TRPM1: variants seen among roughly 807,000 people sequenced by gnomAD.
TRPM1 encodes transient receptor potential cation channel subfamily M member 1, also known as TRPM1-203 APA Isoform, Intron 10.
Under a neutral mutation model 149.4 loss-of-function variants are expected in TRPM1, and 113 were observed. That is an observed-to-expected ratio of 0.76 (90% CI 0.65 to 0.88). The LOEUF (loss-of-function observed/expected upper bound fraction) is 0.88, where lower values mean the gene tolerates loss of function less well. Among genes scored for constraint, TRPM1 ranks in the 40% least tolerant of loss-of-function variants. TRPM1 has a pLI of 0.00. For missense variants in TRPM1, 1,976 were observed against 2,038.7 expected (o/e 0.97, Z 0.59); for synonymous variants, 741 against 759.5 (o/e 0.98, Z 0.40).
intron 1 of TRPM1, among the ~76,000 whole-genome samples, chr15:31,085,594 C>G (rs1281694873): frequency 1.3e-5 from 2 of 152,158 alleles, no homozygotes; most frequent in South Asian, 2.1e-4. Flanking sequence ...TGTTGATGTC[C>G]TAATTCAAGG....
upstream of TRPM1, among the ~76,000 whole-genome samples, chr15:31,101,984 C>T (rs2035526696): frequency 6.6e-6 from 1 of 152,346 alleles, no homozygotes; most frequent in East Asian, 1.9e-4. Context: ...TCCCACCCAG[C>T]CGCCCTTCCC....
chr15:31,045,453 T>A (rs2033736773), intron 16 of TRPM1, among the ~76,000 whole-genome samples: 1 of 152,234 alleles, frequency 6.6e-6, no homozygotes, highest in Admixed American at 6.5e-5. Context: ...TAATAATTTC[T>A]CCCTTTCTTG....
chr15:31,036,898 C>A (rs748737172), intron 20 of TRPM1, among the ~76,000 whole-genome samples: 4 of 152,272 alleles, frequency 2.6e-5, no homozygotes, highest in Admixed American at 6.5e-5. Context: ...TCGCCCAGAC[C>A]ACGGCCAGGG....
chr15:31,112,711 T>C (rs569546968), intron 1 of TRPM1, among the ~76,000 whole-genome samples: 1 of 152,290 alleles, frequency 6.6e-6, no homozygotes, highest in East Asian at 1.9e-4. Flanking sequence ...AAACTCGGCC[T>C]CTTAGAGCTC....
chr15:31,147,882 T>C (rs12902517), intron 1 of TRPM1, among the ~76,000 whole-genome samples: 71,214 of 152,026 alleles, frequency 0.47, 17,075 homozygotes, highest in African/African-American at 0.54. Flanking sequence ...GGGCGGCTGC[T>C]GAACAGCCTG....
intron 2 of TRPM1, 125 bp from the exon 3 acceptor site, chr15:31,077,109 G>T (rs546491859): frequency 1.4e-6 from 1 of 700,206 alleles, no homozygotes; most frequent in African/African-American, 1.8e-5. Context: ...TGCAATAATG[G>T]TGGATGCAAG....
rs1268570824 is a variant in TRPM1, at chr15:31,047,890, T to G, written c.1622A>C (p.Lys541Thr). The G allele has an allele frequency of 6.2e-7, 1 of 1,612,120 alleles. No homozygotes were observed. Among genetic ancestry groups the G allele is most frequent in the East Asian group, 2.2e-5 (1 of 44,864 alleles). ...TLHLLVRDVK[K>T]SNLPPDYHIS... ...AGAATTGTAAAACAGTAGACTGACC[T>G]TTTTCACATCCCTCACCAGCAGATG... Residue 541 changes from lysine (K) to threonine (T), a missense_variant and splice_region_variant, in exon 14 of 28, where the codon AAG (lysine) becomes ACG (threonine). Lys to Thr is a moderately conservative substitution (Grantham distance 78). Transcript: ENST00000256552.
intron 16 of TRPM1, among the ~76,000 whole-genome samples, chr15:31,042,660 C>T (rs373327948): frequency 2.6e-5 from 4 of 152,186 alleles, no homozygotes; most frequent in Non-Finnish European, 5.9e-5. Flanking sequence ...GTTTGCCAGA[C>T]GTAGCTGAAC....
chr15:31,127,717 A>G (rs2035968644), intron 1 of TRPM1, among the ~76,000 whole-genome samples: 1 of 152,110 alleles, frequency 6.6e-6, no homozygotes, highest in African/African-American at 2.4e-5. Flanking sequence ...GAGCTTCAAG[A>G]GGCGCTGGGT....
At position 31,002,255 on chromosome 15, in the gene TRPM1, G is replaced by C. The variant is rs376840841; in HGVS notation, c.4445C>G (p.Ser1482Ter). The change falls in exon 28 of 28, where the codon TCA becomes TGA. Residue 1482 changes from serine to a stop codon, truncating the protein, a stop_gained. Transcript: ENST00000256552. LOFTEE classifies it low-confidence loss of function (END_TRUNC). Reference protein sequence around the residue: ...GGVNQDVEYSSITDQQLTTEW... With the variant: ...GGVNQDVEYS ...CGTCGTCAATTGCTGGTCCGTGATTGAACTGTACTCTACATCCTGGTTAAC... is the reference window on the plus strand; with the variant it reads ...CGTCGTCAATTGCTGGTCCGTGATTCAACTGTACTCTACATCCTGGTTAAC... 3.1e-6 allele frequency: 5 copies of C among 1,614,100 alleles called. No individual in the cohort carries two copies. The highest frequency in any genetic ancestry group is 1.3e-5 in the African/African-American group (1 of 74,932).
At chr15:31,017,797 T>C (rs2032417551) in intron 27 of TRPM1, among the ~76,000 whole-genome samples, 1 of 152,248 alleles carries the variant, frequency 6.6e-6, no homozygotes, top group Non-Finnish European at 1.5e-5. Context: ...TTCTGTTTCA[T>C]TCAAATAATA....
chr15:31,051,048 G>A (rs932976588), intron 11 of TRPM1, among the ~76,000 whole-genome samples: 3 of 152,220 alleles, frequency 2.0e-5, no homozygotes, highest in Non-Finnish European at 4.4e-5. Flanking sequence ...TAGAACTGAG[G>A]ATGCCTGCCT....
intron 27 of TRPM1, among the ~76,000 whole-genome samples, chr15:31,025,263 T>C (rs1311730267): frequency 6.6e-6 from 1 of 152,196 alleles, no homozygotes; most frequent in Non-Finnish European, 1.5e-5. Flanking sequence ...CAGCGTGTTA[T>C]CAGTCACCAA....
intron 1 of TRPM1, among the ~76,000 whole-genome samples, chr15:31,125,353 G>GGA (rs1250615212): frequency 3.5e-4 from 54 of 152,296 alleles, no homozygotes; most frequent in African/African-American, 1.3e-3. Context: ...GGGGGAGACA[G>GGA]GAAGTACATG....
chr15:31,033,063 G>T lies in TRPM1; in HGVS notation c.2701-123C>A, dbSNP rs528596744. On this transcript the variant is annotated intron_variant, in intron 21 of 27. Transcript: ENST00000256552. The stretch of plus-strand genomic sequence containing the variant: ...ATCTGGCCCCTTTCCTACTCAAAAC[G>T]TTTAAACACTCTTCTTCTCAGGCAG... 6.1e-6 allele frequency: 8 copies of T among 1,318,336 alleles called. No homozygotes were observed. The East Asian group carries it at 1.6e-4, about 27-fold the overall frequency. The allele number at this position is 1,318,336 out of a possible 1,614,324, so 81.7% of individuals were successfully genotyped here.
At position 31,063,234 on chromosome 15, in the gene TRPM1, C is replaced by T. The variant is rs185683952; in HGVS notation, c.849G>A (p.Val283=). The T allele has an allele frequency of 3.3e-5, 54 of 1,614,194 alleles. No homozygotes were observed. The highest frequency in any genetic ancestry group is 3.1e-4 in the East Asian group (14 of 44,876). The change falls in exon 8 of 28, where the codon GTG becomes GTA. Residue 283 remains valine (V), a synonymous_variant. Coordinates refer to ENST00000256552, the MANE Select transcript of TRPM1 (RefSeq NM_001252024.2). ...CTTGCAGGTATTCCAAGACGATGGA[C>T]ACCACGTTAGGGCCCCCCTCCACCA... ...GLVVEGGPNV[V]SIVLEYLQEE...
chr15:31,146,284 A>C (rs931355755), intron 1 of TRPM1, among the ~76,000 whole-genome samples: 4 of 152,248 alleles, frequency 2.6e-5, no homozygotes, highest in Admixed American at 2.0e-4. Flanking sequence ...GAGACTGGAA[A>C]CACAGAAACT....
At chr15:31,154,380 G>A (rs75170347) in intron 1 of TRPM1, among the ~76,000 whole-genome samples, 1,551 of 152,290 alleles carry the variant, frequency 0.01, 29 homozygotes, top group African/African-American at 0.035. Flanking sequence ...GGGAACAGAG[G>A]AGGTTTTCTG....
At chr15:31,141,808 T>G (rs1333483359) in intron 1 of TRPM1, among the ~76,000 whole-genome samples, 1 of 152,234 alleles carries the variant, frequency 6.6e-6, no homozygotes, top group Non-Finnish European at 1.5e-5. Context: ...TAAAATTGGT[T>G]GTGAGGGATA....
Sources: gnomAD v4.1 joint callset for allele counts (sites outside exome capture counted in the v4.1 genomes callset) on GRCh38, gnomAD v4.1.1 for gene constraint, MANE v1.5 for transcripts, NCBI Gene and HGNC (gene_info 2026-07-23, HGNC 2026-07-21) for gene names.